GXYLT2: variants seen among roughly 807,000 people sequenced by gnomAD.
GXYLT2 encodes the protein glucoside xylosyltransferase 2.
A neutral mutation model predicts 45.8 loss-of-function variants in GXYLT2; 53 were observed. That is an observed-to-expected ratio of 1.16 (90% confidence interval 0.93 to 1.46). The LOEUF is 1.46. Ranked by LOEUF, GXYLT2 falls within the 40% of genes most tolerant of loss-of-function variation. GXYLT2 has a pLI of 0.00. For missense variants in GXYLT2, 551 were observed against 544.4 expected (o/e 1.01, Z -0.12); for synonymous variants, 219 against 214.2 (o/e 1.02, Z -0.19).
chr3:72,953,790 T>A (rs1389676082), intron 3 of GXYLT2, among the ~76,000 whole-genome samples: 1 of 152,070 alleles, frequency 6.6e-6, no homozygotes, highest in Non-Finnish European at 1.5e-5. Flanking sequence ...CAAGACCAAG[T>A]CTTAGCTAAA....
intron 3 of GXYLT2, among the ~76,000 whole-genome samples, chr3:72,931,251 C>T (rs941091518): frequency 9.3e-5 from 14 of 150,218 alleles, no homozygotes; most frequent in Non-Finnish European, 1.3e-4. Flanking sequence ...TTTTTTGAGA[C>T]GGAGTCTTGC....
At chr3:72,961,837 CTG>C (rs1710776445) in intron 5 of GXYLT2, among the ~76,000 whole-genome samples, 1 of 152,058 alleles carries the variant, frequency 6.6e-6, no homozygotes, top group Non-Finnish European at 1.5e-5. Flanking sequence ...TTCTAGAAAA[CTG>C]AGATGTGGGT....
chr3:72,937,727 T>C (rs1015463586), intron 3 of GXYLT2, among the ~76,000 whole-genome samples: 2 of 152,192 alleles, frequency 1.3e-5, no homozygotes, highest in African/African-American at 4.8e-5. Flanking sequence ...AAATACCTCC[T>C]TAGGAAAATT....
intron 1 of GXYLT2, among the ~76,000 whole-genome samples, chr3:72,889,907 G>GTTTTTTTTTTTTTTTTTTT (rs5850087): frequency 2.5e-5 from 3 of 118,784 alleles, no homozygotes; most frequent in African/African-American, 1.0e-4. Context: ...TTTTTTTTTT[G>GTTTTTTTTTTTTTTTTTTT]TTTTTTTTTT....
At chr3:72,899,281 C>A (rs1709355670) in intron 1 of GXYLT2, among the ~76,000 whole-genome samples, 1 of 152,146 alleles carries the variant, frequency 6.6e-6, no homozygotes, top group African/African-American at 2.4e-5. Flanking sequence ...AAGAATACAG[C>A]CTCATTTCAG....
chr3:72,910,119 A>C (rs1428315120), intron 2 of GXYLT2, among the ~76,000 whole-genome samples: 1 of 152,224 alleles, frequency 6.6e-6, no homozygotes, highest in African/African-American at 2.4e-5. Context: ...AGGGTGAAGT[A>C]TAAGGGAAAT....
At chr3:72,914,982 G>A (rs148062002) in intron 2 of GXYLT2, among the ~76,000 whole-genome samples, 7 of 151,966 alleles carry the variant, frequency 4.6e-5, no homozygotes, top group Non-Finnish European at 1.0e-4. Context: ...GTTTGAGCCC[G>A]TCTCTACTAA....
At chr3:72,929,186 T>C (rs1709977754) in intron 3 of GXYLT2, 1 of 1,586,998 alleles carries the variant, frequency 6.3e-7, no homozygotes, top group South Asian at 1.1e-5. Context: ...TGATGTGGCT[T>C]TGAAGAACTT....
intron 1 of GXYLT2, among the ~76,000 whole-genome samples, chr3:72,890,810 T>G (rs1709168479): frequency 6.6e-6 from 1 of 152,206 alleles, no homozygotes; most frequent in African/African-American, 2.4e-5. Context: ...GAAGCCATTT[T>G]TCTTTTGAAC....
intron 2 of GXYLT2, among the ~76,000 whole-genome samples, chr3:72,909,447 G>A (rs1413594224): frequency 2.0e-5 from 3 of 151,948 alleles, no homozygotes; most frequent in African/African-American, 7.3e-5. Context: ...ACATACATAT[G>A]TATGTATCCT....
intron 2 of GXYLT2, among the ~76,000 whole-genome samples, chr3:72,915,309 G>T (rs17010257): frequency 7.2e-6 from 1 of 139,674 alleles, no homozygotes; most frequent in African/African-American, 2.7e-5. Flanking sequence ...TTTAGAGGAC[G>T]GGGACCATGC....
chr3:72,965,428 T>G (rs866178487), intron 5 of GXYLT2, among the ~76,000 whole-genome samples: 1 of 152,160 alleles, frequency 6.6e-6, no homozygotes, highest in African/African-American at 2.4e-5. Flanking sequence ...GTGTTACTGA[T>G]TTGCTGTAAT....
At chr3:72,942,752 A>G (rs540888004) in intron 3 of GXYLT2, among the ~76,000 whole-genome samples, 1 of 134,904 alleles carries the variant, frequency 7.4e-6, no homozygotes, top group Non-Finnish European at 1.6e-5. Context: ...TCCAGGTTAT[A>G]AAAAAAAAAA....
chr3:72,897,778 A>G (rs1709321622), intron 1 of GXYLT2, among the ~76,000 whole-genome samples: 1 of 152,186 alleles, frequency 6.6e-6, no homozygotes, highest in East Asian at 1.9e-4. Context: ...CTAGAATTTG[A>G]AGCCAGGTCC....
intron 1 of GXYLT2, among the ~76,000 whole-genome samples, chr3:72,904,814 G>A (rs1709473742): frequency 6.6e-6 from 1 of 150,766 alleles, no homozygotes; most frequent in Non-Finnish European, 1.5e-5. Context: ...GCCAAGGTGG[G>A]CGGATCACTT....
chr3:72,969,340 C>T lies in GXYLT2; in HGVS notation c.1149+1621C>T, dbSNP rs144934354. On this transcript the variant is annotated intron_variant, in intron 6 of 6. Coordinates refer to ENST00000389617, the MANE Select transcript of GXYLT2 (RefSeq NM_001080393.2). ...CCCAGGAGTTCAAGGCTGCAGTGAG[C>T]TATGATTGCACCACTTCACTCCAGC... Among the ~76,000 whole-genome samples the T allele has an allele frequency of 2.9e-4, 43 of 150,076 alleles. 1 individual carries two copies. The East Asian group carries it at 8.3e-3, about 29-fold the overall frequency.
intron 2 of GXYLT2, among the ~76,000 whole-genome samples, chr3:72,915,368 G>GGCC (rs1553706122): frequency 5.6e-5 from 6 of 107,096 alleles, no homozygotes; most frequent in African/African-American, 2.7e-4. Context: ...GGGGGGGGGG[G>GGCC]GATTTAGGAA....
intron 1 of GXYLT2, among the ~76,000 whole-genome samples, chr3:72,905,439 C>G (rs745930833): frequency 1.3e-5 from 2 of 152,130 alleles, no homozygotes; most frequent in Non-Finnish European, 1.5e-5. Flanking sequence ...TTTGGCCTTA[C>G]GTTGGTACAT....
intron 3 of GXYLT2, among the ~76,000 whole-genome samples, chr3:72,949,716 C>T (rs1017730818): frequency 1.3e-5 from 2 of 151,598 alleles, no homozygotes; most frequent in Admixed American, 6.6e-5. Flanking sequence ...GGTCTCACCA[C>T]GTTGGCCAGG....
Sources: gnomAD v4.1 joint callset for allele counts (sites outside exome capture counted in the v4.1 genomes callset) on GRCh38, gnomAD v4.1.1 for gene constraint, MANE v1.5 for transcripts, NCBI Gene and HGNC (gene_info 2026-07-23, HGNC 2026-07-21) for gene names.